Variants in HHAT observed in about 807,000 individuals in gnomAD.
HHAT encodes hedgehog acyltransferase.
Under a neutral mutation model 70.8 loss-of-function variants are expected in HHAT, and 47 were observed. The observed-to-expected ratio is 0.66, with a 90% CI of 0.53 to 0.85. The LOEUF (loss-of-function observed/expected upper bound fraction) is 0.85, where lower values mean the gene tolerates loss of function less well. Ranked by LOEUF, HHAT falls within the 40% of genes least tolerant of loss-of-function variation. The probability of loss-of-function intolerance (pLI) is 0.00; values close to 1 mark genes in which losing one functional copy is unlikely to be tolerated. For synonymous variants in HHAT, 228 were observed against 247.6 expected (o/e 0.92, Z 0.74); for missense variants, 609 against 604.8 (o/e 1.01, Z -0.07).
chr1:210,396,393 C>T (rs569839555), intron 4 of HHAT, among the ~76,000 whole-genome samples: 17 of 152,304 alleles, frequency 1.1e-4, no homozygotes, highest in African/African-American at 4.1e-4. Context: ...AACGAGATGT[C>T]ATTACACACT....
intron 1 of HHAT, among the ~76,000 whole-genome samples, chr1:210,342,964 A>G (rs1210180357): frequency 6.6e-6 from 1 of 152,190 alleles, no homozygotes; most frequent in African/African-American, 2.4e-5. Flanking sequence ...TAATTTTCCT[A>G]AGATAAGTGG....
At chr1:210,484,860 C>G (rs905788930) in intron 8 of HHAT, among the ~76,000 whole-genome samples, 3 of 152,212 alleles carry the variant, frequency 2.0e-5, no homozygotes, top group Non-Finnish European at 4.4e-5. Context: ...ACCTGCTTCT[C>G]TGTCCTTGGA....
chr1:210,644,575 T>C (rs34771900), intron 11 of HHAT, among the ~76,000 whole-genome samples: 53,644 of 136,868 alleles, frequency 0.39, 10,883 homozygotes, highest in Middle Eastern at 0.55. Flanking sequence ...TGCACTCCAG[T>C]CTGAGTGACA....
intron 2 of HHAT, among the ~76,000 whole-genome samples, chr1:210,352,835 G>A (rs2087177182): frequency 1.3e-5 from 2 of 152,010 alleles, no homozygotes; most frequent in Non-Finnish European, 2.9e-5. Flanking sequence ...GGCTGACCTC[G>A]CCCCTGGTGC....
chr1:210,428,273 A>G (rs768201792), intron 7 of HHAT, among the ~76,000 whole-genome samples: 6 of 120,626 alleles, frequency 5.0e-5, no homozygotes, highest in Admixed American at 1.9e-4. Flanking sequence ...GTTTTCCCCC[A>G]AATGAGCTTA....
chr1:210,589,336 A>G (rs1264253058), intron 10 of HHAT: 1 of 152,368 alleles, frequency 6.6e-6, no homozygotes, highest in South Asian at 2.1e-4. Flanking sequence ...ATGCTCATGT[A>G]TGTATAAAGA....
chr1:210,624,046 A>G (rs1376402638), intron 11 of HHAT, among the ~76,000 whole-genome samples: 1 of 152,130 alleles, frequency 6.6e-6, no homozygotes, highest in African/African-American at 2.4e-5. Flanking sequence ...CCCAATTGGC[A>G]TTATTAAGAG....
At chr1:210,651,956 A>C (rs1189049035) in intron 11 of HHAT, among the ~76,000 whole-genome samples, 1 of 152,280 alleles carries the variant, frequency 6.6e-6, no homozygotes. Flanking sequence ...AGGCCCAGAA[A>C]TGGTGTGGCT....
intron 8 of HHAT, among the ~76,000 whole-genome samples, chr1:210,482,677 G>A (rs374164244): frequency 1.5e-4 from 23 of 152,196 alleles, no homozygotes; most frequent in African/African-American, 4.8e-4. Context: ...AATAATTCAC[G>A]TCACGTTGCT....
chr1:210,512,579 G>A (rs75621886), intron 8 of HHAT, among the ~76,000 whole-genome samples: 1 of 151,678 alleles, frequency 6.6e-6, no homozygotes, highest in Non-Finnish European at 1.5e-5. Context: ...GGCTGAGGTG[G>A]GAGGATTGGT....
intron 8 of HHAT, among the ~76,000 whole-genome samples, chr1:210,475,613 C>T (rs1316876173): frequency 6.6e-6 from 1 of 152,164 alleles, no homozygotes; most frequent in African/African-American, 2.4e-5. Flanking sequence ...CTTTCTCTTT[C>T]TTTTTCTTCC....
At chr1:210,444,793 C>CGT (rs1335075598) in intron 7 of HHAT, among the ~76,000 whole-genome samples, 1 of 152,110 alleles carries the variant, frequency 6.6e-6, no homozygotes, top group Non-Finnish European at 1.5e-5. Flanking sequence ...AGTTTACAGA[C>CGT]GTGAACCACC....
At chr1:210,498,892 C>G (rs1348975575) in intron 8 of HHAT, among the ~76,000 whole-genome samples, 1 of 151,756 alleles carries the variant, frequency 6.6e-6, no homozygotes, top group African/African-American at 2.4e-5. Flanking sequence ...GCCTCAGCCT[C>G]CTGAGTATCT....
intron 2 of HHAT, among the ~76,000 whole-genome samples, chr1:210,354,733 T>C (rs1262269455): frequency 6.6e-6 from 1 of 152,156 alleles, no homozygotes; most frequent in Non-Finnish European, 1.5e-5. Context: ...TGTGCCGTTT[T>C]AATTATTTTT....
intron 3 of HHAT, among the ~76,000 whole-genome samples, chr1:210,372,642 G>C (rs12729428): frequency 0.4 from 60,997 of 152,090 alleles, 13,859 homozygotes; most frequent in African/African-American, 0.62. Flanking sequence ...TCCTTCTGAG[G>C]CTGGTGCAAT....
chr1:210,577,048 T>C (rs1351852310), intron 9 of HHAT, among the ~76,000 whole-genome samples: 1 of 151,044 alleles, frequency 6.6e-6, no homozygotes, highest in Non-Finnish European at 1.5e-5. Flanking sequence ...TTGTATCCTC[T>C]GATTTTACTG....
Position 210,329,195 on chromosome 1 carries a change from A to T in HHAT, c.-44+91A>T, listed in dbSNP as rs1445865307. 39 of 1,165,546 alleles carry T rather than the reference A, an allele frequency of 3.3e-5. No homozygotes were observed. The East Asian group carries it at 1.4e-3, about 41-fold the overall frequency. The allele number at this position is 1,165,546 out of a possible 1,614,324, so 72.2% of individuals were successfully genotyped here. A position where few individuals can be genotyped will look rare whatever the true frequency, so the allele number is the denominator to read the frequency against. ...CTCTGTTAAAAAAAAAATGCACAAA[A>T]CGCTTTCCGTTTCCTACCCAAGTTC... On this transcript the variant is annotated intron_variant, in intron 1 of 11. Transcript: ENST00000261458.
chr1:210,628,909 A>G (rs7547973), intron 11 of HHAT, among the ~76,000 whole-genome samples: 37,441 of 152,114 alleles, frequency 0.25, 5,312 homozygotes, highest in East Asian at 0.38. Context: ...AAGAGGACGG[A>G]GGGCAGGTGT....
intron 9 of HHAT, among the ~76,000 whole-genome samples, chr1:210,527,913 G>A (rs1225996996): frequency 1.3e-5 from 2 of 152,206 alleles, no homozygotes; most frequent in African/African-American, 4.8e-5. Flanking sequence ...TCTGAGTTAT[G>A]TCAAGCAAAT....
Sources: gnomAD v4.1 joint callset for allele counts (sites outside exome capture counted in the v4.1 genomes callset) on GRCh38, gnomAD v4.1.1 for gene constraint, MANE v1.5 for transcripts, NCBI Gene and HGNC (gene_info 2026-07-23, HGNC 2026-07-21) for gene names.